The following UBXN2B variants were observed in gnomAD, a reference collection of about 807,000 sequenced individuals.
UBXN2B encodes UBX domain protein 2B.
Under a neutral mutation model 37.5 loss-of-function variants are expected in UBXN2B, and 19 were observed. The ratio of observed to expected loss-of-function variants is 0.51; its 90% CI spans 0.35 to 0.74. UBXN2B has a LOEUF of 0.74. UBXN2B is among the 30% of genes least tolerant of loss of function. The pLI is 0.01. For synonymous variants in UBXN2B, 145 were observed against 143.8 expected (o/e 1.01, Z -0.06); for missense variants, 370 against 393.2 (o/e 0.94, Z 0.50).
At chr8:58,413,474 GCTTTT>G (rs1336977235) in intron 1 of UBXN2B, 11 of 152,120 alleles carry the variant, frequency 7.2e-5, no homozygotes, top group African/African-American at 2.7e-4. Context: ...ATCTAGACAT[GCTTTT>G]CTTAAGAGTT....
At chr8:58,442,702 G>A (rs1005046597) in intron 6 of UBXN2B, among the ~76,000 whole-genome samples, 4 of 152,172 alleles carry the variant, frequency 2.6e-5, no homozygotes, top group Admixed American at 6.5e-5. Context: ...GTAAAAATTA[G>A]CTTGGTGAGC....
At position 58,449,434 on chromosome 8, in the gene UBXN2B, C is replaced by T. The variant is rs1217127962; in HGVS notation, c.*1883C>T. 3 of 152,100 alleles carry T rather than the reference C, an allele frequency of 2.0e-5. No individual in the cohort carries two copies. The highest frequency in any genetic ancestry group is 2.9e-5 in the Non-Finnish European group (2 of 68,036). 9.4% of individuals were successfully genotyped at this position (152,100 alleles called of 1,614,324 possible). A position where few individuals can be genotyped will look rare whatever the true frequency, so the allele number is the denominator to read the frequency against. ...TCTAAATCCAAAATCTTATCTGAGT[C>T]TCACCAACTCAAAAGTCTCAAATCT... On this transcript the variant is annotated 3_prime_UTR_variant, in exon 8 of 8. Transcript: ENST00000399598.
intron 2 of UBXN2B, chr8:58,425,058 G>T: frequency 1.3e-6 from 1 of 782,678 alleles, no homozygotes; most frequent in Non-Finnish European, 2.4e-6. Flanking sequence ...CCTCCTCCAG[G>T]AAGTCCAGCA....
chr8:58,437,044 G>C (rs1363968516), intron 5 of UBXN2B, among the ~76,000 whole-genome samples: 1 of 152,174 alleles, frequency 6.6e-6, no homozygotes, highest in Non-Finnish European at 1.5e-5. Flanking sequence ...GAAGACTTTG[G>C]ACGTCCTTGA....
intron 2 of UBXN2B, chr8:58,425,830 G>C: frequency 8.5e-7 from 1 of 1,171,622 alleles, no homozygotes; most frequent in Non-Finnish European, 1.3e-6. Context: ...CACCAACATC[G>C]TATTTCAGTT....
At chr8:58,424,435 T>A (rs936326485) in intron 2 of UBXN2B, among the ~76,000 whole-genome samples, 4 of 152,194 alleles carry the variant, frequency 2.6e-5, no homozygotes, top group African/African-American at 4.8e-5. Context: ...TTAAATGGTT[T>A]CAAATTTTGC....
intron 2 of UBXN2B, among the ~76,000 whole-genome samples, chr8:58,423,216 G>A (rs1157120611): frequency 1.3e-5 from 2 of 152,070 alleles, no homozygotes; most frequent in Admixed American, 6.6e-5. Flanking sequence ...GGAGCTCTGA[G>A]CTTCATGTCA....
At chr8:58,444,002 C>T (rs1325517456) in intron 6 of UBXN2B, among the ~76,000 whole-genome samples, 1 of 152,150 alleles carries the variant, frequency 6.6e-6, no homozygotes, top group Admixed American at 6.6e-5. Flanking sequence ...CATTCCAGTT[C>T]TCAAATGTTA....
In UBXN2B at chr8:58,430,610, G is replaced by C. The variant is rs377152205; in HGVS notation, c.280G>C (p.Glu94Gln). The change falls in exon 3 of 8, where the codon GAA (glutamate) becomes CAA (glutamine). Residue 94 changes from glutamate to glutamine, a missense_variant. Transcript: ENST00000399598. ...IVNELFKEAR[E>Q]HGAVPLNEAT... ...GAATGAACTTTTCAAAGAGGCAAGG[G>C]AACATGGGGCTGTCCCTCTGAATGA... 91 of 1,603,330 alleles carry C rather than the reference G, an allele frequency of 5.7e-5. No homozygotes were observed. The highest frequency in any genetic ancestry group is 7.3e-5 in the Non-Finnish European group (86 of 1,174,040).
At chr8:58,439,089 T>C (rs1056742903) in intron 5 of UBXN2B, among the ~76,000 whole-genome samples, 2 of 152,170 alleles carry the variant, frequency 1.3e-5, no homozygotes, top group Admixed American at 1.3e-4. Context: ...ACTGTGATTG[T>C]AAGTTTCCCG....
At position 58,425,918 on chromosome 8, in the gene UBXN2B, G is replaced by A. The variant is rs534633958; in HGVS notation, c.189-4601G>A. On this transcript the variant is annotated intron_variant, in intron 2 of 7. Coordinates refer to ENST00000399598, the MANE Select transcript of UBXN2B (RefSeq NM_001077619.2). Reference sequence around the variant, plus strand: ...CCCTTTGTCATCACTGGTGCGCACAGAGAGAACAAAATCTCCAAGGTGGCT... The same window carrying A: ...CCCTTTGTCATCACTGGTGCGCACAAAGAGAACAAAATCTCCAAGGTGGCT... 4.2e-5 allele frequency: 53 copies of A among 1,274,432 alleles called. No homozygotes were observed. In the East Asian group the frequency reaches 1.0e-3, roughly 25 times the overall value. The allele number at this position is 1,274,432 out of a possible 1,614,324, so 78.9% of individuals were successfully genotyped here.
intron 1 of UBXN2B, among the ~76,000 whole-genome samples, chr8:58,411,931 G>A (rs1021384412): frequency 6.6e-6 from 1 of 152,122 alleles, no homozygotes; most frequent in Non-Finnish European, 1.5e-5. Context: ...TATCAGGTAG[G>A]TTTTTCTTTT....
chr8:58,412,711 T>C (rs1269769126), intron 1 of UBXN2B, among the ~76,000 whole-genome samples: 1 of 152,242 alleles, frequency 6.6e-6, no homozygotes, highest in African/African-American at 2.4e-5. Context: ...TTAGTCCTGC[T>C]ACTTAGTAGT....
rs1317019932 is a variant in UBXN2B, at chr8:58,448,247, C to T, written c.*696C>T. 1 of 149,728 alleles carries T rather than the reference C, an allele frequency of 6.7e-6. No individual in the cohort carries two copies. Among genetic ancestry groups the T allele is most frequent in the African/African-American group, 2.5e-5 (1 of 40,426 alleles). The allele number at this position is 149,728 out of a possible 1,614,324, so 9.3% of individuals were successfully genotyped here. A position where few individuals can be genotyped will look rare whatever the true frequency, so the allele number is the denominator to read the frequency against. On this transcript the variant is annotated 3_prime_UTR_variant, in exon 8 of 8. Coordinates refer to ENST00000399598, the MANE Select transcript of UBXN2B (RefSeq NM_001077619.2). ...GGAGTGCAATGGCATAATTTCTGCT[C>T]ACCGCAACCTCCGCCTCCCAGGTTC...
At position 58,439,665 on chromosome 8, in the gene UBXN2B, A is replaced by G. The variant is rs1808496305; in HGVS notation, c.566A>G (p.His189Arg). 3 of 1,610,760 alleles carry G rather than the reference A, an allele frequency of 1.9e-6. No individual in the cohort carries two copies. Among genetic ancestry groups the G allele is most frequent in the Non-Finnish European group, 2.5e-6 (3 of 1,179,142 alleles). ...EIPLELQRLV[H>R]GGQVNLDMED... ...CCCCTGGAGCTTCAGCGCCTTGTTC[A>G]TGGTGGCCAAGTGAATTTGGATATG... is the stretch of plus-strand genomic sequence containing the variant. Residue 189 changes from histidine to arginine, a missense_variant, in exon 6 of 8, where the codon CAT (histidine) becomes CGT (arginine). Around this residue, in one of 3 missense-constraint regions of UBXN2B, gnomAD observed 90 missense variants for 139.4 expected, o/e 0.65. Coordinates refer to ENST00000399598, the MANE Select transcript of UBXN2B (RefSeq NM_001077619.2).
At chr8:58,438,306 C>T (rs1321219454) in intron 5 of UBXN2B, among the ~76,000 whole-genome samples, 1 of 152,194 alleles carries the variant, frequency 6.6e-6, no homozygotes, top group Non-Finnish European at 1.5e-5. Flanking sequence ...TGGTGCACTG[C>T]CTAGTGGAGC....
At chr8:58,425,540 T>C in intron 2 of UBXN2B, 1 of 1,077,858 alleles carries the variant, frequency 9.3e-7, no homozygotes, top group Non-Finnish European at 1.4e-6. Flanking sequence ...TTTTTATATC[T>C]ATTTTTGTTT....
intron 2 of UBXN2B, 37 bp downstream of exon 2, chr8:58,416,990 T>A (rs771544819): frequency 1.3e-6 from 2 of 1,489,272 alleles, no homozygotes; most frequent in Non-Finnish European, 1.8e-6. Flanking sequence ...AAAGAAATTA[T>A]AATCCTTTCT....
At chr8:58,422,528 A>G (rs1373228154) in intron 2 of UBXN2B, among the ~76,000 whole-genome samples, 2 of 152,278 alleles carry the variant, frequency 1.3e-5, no homozygotes, top group African/African-American at 4.8e-5. Context: ...GTCTTTGGAA[A>G]AGGCACTTAA....
Sources: allele counts gnomAD v4.1 joint callset (sites outside exome capture counted in the v4.1 genomes callset), GRCh38; gene constraint gnomAD v4.1.1; regional missense constraint gnomAD v4.1.1; transcripts MANE v1.5; gene names NCBI Gene and HGNC (gene_info 2026-07-23, HGNC 2026-07-21).